The following PTPRD variants were observed in gnomAD, a reference collection of about 807,000 sequenced individuals.
PTPRD encodes protein tyrosine phosphatase receptor type D, also known as receptor-type tyrosine-protein phosphatase delta.
A neutral mutation model predicts 214.5 loss-of-function variants in PTPRD; 34 were observed. That is an observed-to-expected ratio of 0.16 (90% confidence interval 0.12 to 0.21). The LOEUF (loss-of-function observed/expected upper bound fraction) is 0.21, where lower values mean the gene tolerates loss of function less well. PTPRD is among the 10% of genes least tolerant of loss of function. The pLI is 1.00. For synonymous variants in PTPRD, 1,128 were observed against 845.7 expected, an observed-to-expected ratio of 1.33 and a Z score of -5.79; for missense variants, 2,545 against 2,398.7, an observed-to-expected ratio of 1.06 and a Z score of -1.27.
At chr9:10,565,686 T>TA (rs1389085453) in intron 2 of PTPRD, among the ~76,000 whole-genome samples, 2 of 152,226 alleles carry the variant, frequency 1.3e-5, no homozygotes, top group East Asian at 3.9e-4. Flanking sequence ...ATACCCAGTA[T>TA]AGCAACCTAG....
intron 11 of PTPRD, among the ~76,000 whole-genome samples, chr9:8,845,870 G>C (rs1256125428): frequency 1.3e-5 from 2 of 152,186 alleles, no homozygotes; most frequent in South Asian, 2.1e-4. Flanking sequence ...GTCTCTGTTA[G>C]GGCGGTCATT....
chr9:9,600,059 T>C (rs187994295), intron 7 of PTPRD, among the ~76,000 whole-genome samples: 1 of 152,042 alleles, frequency 6.6e-6, no homozygotes. Context: ...CAATAAATTT[T>C]TGAAACATTG....
intron 9 of PTPRD, among the ~76,000 whole-genome samples, chr9:9,288,454 G>A (rs569234393): frequency 2.6e-5 from 4 of 151,824 alleles, no homozygotes; most frequent in Non-Finnish European, 4.4e-5. Flanking sequence ...GTAAAGATCA[G>A]AGTATTTCCA....
intron 3 of PTPRD, among the ~76,000 whole-genome samples, chr9:10,082,444 G>C (rs769375879): frequency 6.6e-6 from 1 of 151,966 alleles, no homozygotes; most frequent in Non-Finnish European, 1.5e-5. Flanking sequence ...TGTAGGATGT[G>C]GATGTACTGA....
intron 8 of PTPRD, among the ~76,000 whole-genome samples, chr9:9,567,949 CT>C (rs531770913): frequency 6.6e-6 from 1 of 150,642 alleles, no homozygotes; most frequent in Non-Finnish European, 1.5e-5. Context: ...GCAAAATCCC[CT>C]TTTTTTTTCT....
chr9:9,394,079 C>T (rs539907148), intron 9 of PTPRD, among the ~76,000 whole-genome samples: 1 of 152,186 alleles, frequency 6.6e-6, no homozygotes, highest in South Asian at 2.1e-4. Flanking sequence ...ACCATACATA[C>T]ACACAAAACT....
intron 32 of PTPRD, among the ~76,000 whole-genome samples, chr9:8,463,329 A>C (rs1022635798): frequency 8.6e-5 from 13 of 150,822 alleles, no homozygotes; most frequent in African/African-American, 2.7e-4. Context: ...AAAAAAAAAA[A>C]AAAAAGATGT....
chr9:10,206,281 G>A (rs574121792), intron 3 of PTPRD, among the ~76,000 whole-genome samples: 1 of 152,292 alleles, frequency 6.6e-6, no homozygotes, highest in African/African-American at 2.4e-5. Context: ...TGCTGTGGAT[G>A]TATGTAAATG....
At chr9:9,735,883 G>C (rs1051088900) in intron 6 of PTPRD, among the ~76,000 whole-genome samples, 1 of 152,026 alleles carries the variant, frequency 6.6e-6, no homozygotes, top group Non-Finnish European at 1.5e-5. Context: ...AACCACAAAA[G>C]ATTTGCAAAA....
intron 5 of PTPRD, among the ~76,000 whole-genome samples, chr9:9,918,643 C>T (rs913597763): frequency 2.0e-5 from 3 of 152,004 alleles, no homozygotes; most frequent in African/African-American, 7.2e-5. Context: ...CGCTACCAGA[C>T]TTCAAAATAC....
At chr9:10,134,159 C>G (rs2098924534) in intron 3 of PTPRD, among the ~76,000 whole-genome samples, 1 of 152,098 alleles carries the variant, frequency 6.6e-6, no homozygotes, top group Admixed American at 6.6e-5. Context: ...GTACACCACC[C>G]ACAGACATAT....
intron 8 of PTPRD, among the ~76,000 whole-genome samples, chr9:9,465,920 A>G (rs186708382): frequency 6.6e-6 from 1 of 151,238 alleles, no homozygotes; most frequent in Non-Finnish European, 1.5e-5. Context: ...ATTGCAATAC[A>G]TATCAGCCAC....
chr9:9,602,940 A>AT (rs1183126813), intron 7 of PTPRD, among the ~76,000 whole-genome samples: 1 of 152,078 alleles, frequency 6.6e-6, no homozygotes, highest in Non-Finnish European at 1.5e-5. Context: ...GGATAAAATT[A>AT]TTTTTTTAAG....
chr9:9,488,063 C>A (rs1415100874), intron 8 of PTPRD, among the ~76,000 whole-genome samples: 1 of 152,030 alleles, frequency 6.6e-6, no homozygotes, highest in Non-Finnish European at 1.5e-5. Context: ...ATATGTTGAT[C>A]CACTATTATT....
At chr9:10,282,739 G>T (rs1261077631) in intron 3 of PTPRD, among the ~76,000 whole-genome samples, 2 of 152,000 alleles carry the variant, frequency 1.3e-5, no homozygotes, top group African/African-American at 4.8e-5. Context: ...TGGTGATTCT[G>T]ATTGTAGTTA....
At chr9:10,255,208 A>T (rs1192078101) in intron 3 of PTPRD, among the ~76,000 whole-genome samples, 1 of 152,196 alleles carries the variant, frequency 6.6e-6, no homozygotes, top group East Asian at 1.9e-4. Flanking sequence ...AGGGGGATAC[A>T]TTCTGAGAAA....
chr9:9,232,608 A>T (rs897993351), intron 9 of PTPRD, among the ~76,000 whole-genome samples: 2 of 152,162 alleles, frequency 1.3e-5, no homozygotes, highest in Non-Finnish European at 2.9e-5. Context: ...ATAGAAATGC[A>T]AGCCAAGGAA....
Position 10,125,843 on chromosome 9 carries a change from T to C in PTPRD, c.-544-92053A>G, listed in dbSNP as rs114921354. Among the ~76,000 whole-genome samples, 829 of 152,226 alleles carry C rather than the reference T, an allele frequency of 5.4e-3. 11 individuals carry two copies. Among genetic ancestry groups the C allele is most frequent in the African/African-American group, 0.019 (796 of 41,532 alleles). ...GAAACAGGAAAATCAGAAGTTGGTATTGATATATGGATATAAATATGGATA... is the reference window on the plus strand; with the variant it reads ...GAAACAGGAAAATCAGAAGTTGGTACTGATATATGGATATAAATATGGATA... On this transcript the variant is annotated intron_variant, in intron 3 of 45. Transcript: ENST00000381196.
intron 4 of PTPRD, among the ~76,000 whole-genome samples, chr9:9,965,471 A>T (rs1373164202): frequency 6.6e-6 from 1 of 152,152 alleles, no homozygotes; most frequent in African/African-American, 2.4e-5. Context: ...GACAGGAGAT[A>T]ATGTTAGACA....
Sources: allele counts gnomAD v4.1 joint callset (sites outside exome capture counted in the v4.1 genomes callset), GRCh38; gene constraint gnomAD v4.1.1; transcripts MANE v1.5; gene names NCBI Gene and HGNC (gene_info 2026-07-23, HGNC 2026-07-21).